The following ADCY2 variants were observed in gnomAD, a reference collection of about 807,000 sequenced individuals.
The protein encoded by ADCY2 is adenylate cyclase type 2.
ADCY2 carries 31 observed loss-of-function variants against 125.2 expected under a neutral mutation model. That is an observed-to-expected ratio of 0.25 (90% CI 0.19 to 0.33). ADCY2 has a LOEUF of 0.33. ADCY2 is among the 10% of genes least tolerant of loss of function. The probability of loss-of-function intolerance (pLI) is 1.00; values close to 1 mark genes in which losing one functional copy is unlikely to be tolerated. For synonymous variants in ADCY2, 512 were observed against 548.4 expected (o/e 0.93, Z 0.93); for missense variants, 904 against 1,418.2 (o/e 0.64, Z 5.82).
chr5:7,793,425 T>A lies in ADCY2; in HGVS notation c.2628+3625T>A, dbSNP rs528145550. 1.7e-3 allele frequency among the ~76,000 whole-genome samples: 263 copies of A among 152,260 alleles called. 1 individual carries two copies. The highest frequency in any genetic ancestry group is 6.1e-3 in the African/African-American group (253 of 41,558). ...GAGATCGTGCCTTTGCACTCCAGCA[T>A]GGGCAACAGTACGAGACACCATCTC... On this transcript the variant is annotated intron_variant, in intron 20 of 24. Coordinates refer to ENST00000338316, the MANE Select transcript of ADCY2 (RefSeq NM_020546.3).
At position 7,784,286 on chromosome 5, in the gene ADCY2, G is replaced by A; in HGVS notation, c.2385-79G>A. 6 of 1,011,656 alleles carry A rather than the reference G, an allele frequency of 5.9e-6. No individual in the cohort carries two copies. The South Asian group carries it at 8.0e-5, about 13-fold the overall frequency. 62.7% of individuals were successfully genotyped at this position (1,011,656 alleles called of 1,614,324 possible). A position where few individuals can be genotyped will look rare whatever the true frequency, so the allele number is the denominator to read the frequency against. ...ACAGGCACTAGAGAATCTGATATTTGTTGATATTCAAATTCTAAGTCCTGT... is the reference window on the plus strand; with the variant it reads ...ACAGGCACTAGAGAATCTGATATTTATTGATATTCAAATTCTAAGTCCTGT... On this transcript the variant is annotated intron_variant, in intron 18 of 24. Coordinates refer to ENST00000338316, the MANE Select transcript of ADCY2 (RefSeq NM_020546.3).
At chr5:7,775,465 A>T (rs1743690188) in intron 18 of ADCY2, among the ~76,000 whole-genome samples, 1 of 152,006 alleles carries the variant, frequency 6.6e-6, no homozygotes, top group African/African-American at 2.4e-5. Flanking sequence ...ATCTCTGCTC[A>T]GTGCAACCCC....
At chr5:7,797,653 G>A (rs326136) in intron 20 of ADCY2, 131,984 of 152,224 alleles carry the variant, frequency 0.87, 60,331 homozygotes, top group East Asian at 1. Flanking sequence ...ACTAAGAGAC[G>A]CTTGCTCTCT....
chr5:7,478,022 T>C (rs1742584816), intron 2 of ADCY2, among the ~76,000 whole-genome samples: 1 of 152,216 alleles, frequency 6.6e-6, no homozygotes, highest in African/African-American at 2.4e-5. Context: ...AAAGATTTTC[T>C]TGACTGACTG....
chr5:7,503,112 A>C (rs548352089), intron 2 of ADCY2, among the ~76,000 whole-genome samples: 3 of 152,296 alleles, frequency 2.0e-5, no homozygotes, highest in African/African-American at 7.2e-5. Context: ...AGCTGGGCAC[A>C]CAGAAGGTGC....
intron 3 of ADCY2, among the ~76,000 whole-genome samples, chr5:7,537,087 A>G (rs142091265): frequency 1.3e-3 from 200 of 152,270 alleles, no homozygotes; most frequent in African/African-American, 4.7e-3. Context: ...GACTGTGTAG[A>G]AATTTTATTC....
chr5:7,526,580 C>T (rs1051323222), intron 3 of ADCY2, among the ~76,000 whole-genome samples: 1 of 151,952 alleles, frequency 6.6e-6, no homozygotes, highest in South Asian at 2.1e-4. Flanking sequence ...CATATATACC[C>T]CCAAAATATG....
chr5:7,553,135 C>T (rs553266797), intron 3 of ADCY2, among the ~76,000 whole-genome samples: 48 of 152,290 alleles, frequency 3.2e-4, no homozygotes, highest in Admixed American at 2.9e-3. Flanking sequence ...GAGAAGATGG[C>T]CACAGAACCA....
chr5:7,699,430 G>T (rs1360233064), intron 7 of ADCY2, among the ~76,000 whole-genome samples: 1 of 151,954 alleles, frequency 6.6e-6, no homozygotes, highest in East Asian at 1.9e-4. Context: ...TAACAATTTG[G>T]GGTTGTAAAT....
chr5:7,501,529 A>C (rs944780216), intron 2 of ADCY2, among the ~76,000 whole-genome samples: 23 of 152,144 alleles, frequency 1.5e-4, no homozygotes, highest in African/African-American at 5.5e-4. Flanking sequence ...TTGATATAGA[A>C]TAAAAAATCA....
intron 3 of ADCY2, among the ~76,000 whole-genome samples, chr5:7,526,938 G>A (rs955452883): frequency 9.5e-6 from 1 of 105,022 alleles, no homozygotes; most frequent in African/African-American, 2.8e-5. Context: ...GATACATCTA[G>A]CGTAAAAACC....
At chr5:7,737,347 G>C (rs1395912734) in intron 14 of ADCY2, among the ~76,000 whole-genome samples, 1 of 152,160 alleles carries the variant, frequency 6.6e-6, no homozygotes, top group Non-Finnish European at 1.5e-5. Context: ...CAGGCTCCTG[G>C]GCTTTCTTGC....
At chr5:7,723,920 C>CAAAAAAAAAAAAAAAAAAAAAAAA (rs70940756) in intron 12 of ADCY2, among the ~76,000 whole-genome samples, 1 of 53,724 alleles carries the variant, frequency 1.9e-5, no homozygotes, top group African/African-American at 1.0e-4. Context: ...GACTCAGTCT[C>CAAAAAAAAAAAAAAAAAAAAAAAA]AAAAAAAAAA....
intron 2 of ADCY2, among the ~76,000 whole-genome samples, chr5:7,461,366 A>G (rs758531349): frequency 9.2e-5 from 14 of 152,346 alleles, no homozygotes; most frequent in Admixed American, 3.9e-4. Flanking sequence ...CTCAATGCAC[A>G]TGGCTCAGTT....
rs11948989 is a variant in ADCY2 at position 7,694,352 on chromosome 5, T to C, written c.870-1400T>C. Among the ~76,000 whole-genome samples, 1,490 of 152,282 alleles carry C rather than the reference T, an allele frequency of 9.8e-3. 28 individuals are homozygous for C. Among genetic ancestry groups the C allele is most frequent in the African/African-American group, 0.034 (1,393 of 41,532 alleles). ...TTCAGTTGGATCACGGACACTTACA[T>C]TGTTCTACAACCATCAATATTATCC... On this transcript the variant is annotated intron_variant, in intron 5 of 24. Coordinates refer to ENST00000338316, the MANE Select transcript of ADCY2 (RefSeq NM_020546.3).
At chr5:7,816,486 C>T (rs1745114402) in intron 22 of ADCY2, among the ~76,000 whole-genome samples, 1 of 152,228 alleles carries the variant, frequency 6.6e-6, no homozygotes, top group Non-Finnish European at 1.5e-5. Flanking sequence ...AGCCAGAGCC[C>T]CGCAGAGAAA....
rs10074338 is a variant in ADCY2 at position 7,484,550 on chromosome 5, T to C, written c.409-36188T>C. On this transcript the variant is annotated intron_variant, in intron 2 of 24. Transcript: ENST00000338316. Reference sequence around the variant, plus strand: ...TTCCACGTCTTCTCTCCTCTCTTTGTCTATTCTCATTCCCAGATGATGACT... The same window carrying C: ...TTCCACGTCTTCTCTCCTCTCTTTGCCTATTCTCATTCCCAGATGATGACT... Among the ~76,000 whole-genome samples the C allele has an allele frequency of 7.2e-3, 1,101 of 152,316 alleles. 23 individuals carry two copies. Among genetic ancestry groups the C allele is most frequent in the African/African-American group, 0.025 (1,044 of 41,574 alleles).
At chr5:7,716,971 CAT>C (rs1199969038) in intron 11 of ADCY2, among the ~76,000 whole-genome samples, 184 bp from the exon 12 acceptor site, 1 of 152,146 alleles carries the variant, frequency 6.6e-6, no homozygotes, top group African/African-American at 2.4e-5. Flanking sequence ...GTTTCCAACA[CAT>C]AGAAATGATA....
chr5:7,555,854 G>A (rs55861895), intron 3 of ADCY2, among the ~76,000 whole-genome samples: 52,357 of 142,588 alleles, frequency 0.37, 9,734 homozygotes, highest in Non-Finnish European at 0.42. Context: ...ACATGTGAGC[G>A]CACACACACA....
Sources: allele counts gnomAD v4.1 joint callset (sites outside exome capture counted in the v4.1 genomes callset), GRCh38; gene constraint gnomAD v4.1.1; transcripts MANE v1.5; gene names NCBI Gene and HGNC (gene_info 2026-07-23, HGNC 2026-07-21).